The following CADM1 variants were observed in gnomAD, a reference collection of about 807,000 sequenced individuals.
CADM1 encodes the protein TSLC-1.
CADM1 carries 15 observed loss-of-function variants against 53.1 expected under a neutral mutation model. The observed-to-expected ratio is 0.28, with a 90% CI of 0.19 to 0.44. CADM1 has a LOEUF of 0.44. Ranked by LOEUF, CADM1 falls within the 20% of genes least tolerant of loss-of-function variation. The pLI, the probability that CADM1 is intolerant of heterozygous loss-of-function variation, is 1.00. For synonymous variants in CADM1, 281 were observed against 243.0 expected (o/e 1.16, Z -1.45); for missense variants, 434 against 611.3 (o/e 0.71, Z 3.06).
intron 1 of CADM1, among the ~76,000 whole-genome samples, chr11:115,490,582 T>C (rs1334708829): frequency 6.6e-6 from 1 of 151,830 alleles, no homozygotes; most frequent in Non-Finnish European, 1.5e-5. Context: ...TATTTTTCAG[T>C]AGAGACAGGG....
In CADM1 at chr11:115,169,571, A is replaced by T. The variant is rs1465037129; in HGVS notation, c.*6903T>A. 1 of 456,250 alleles carries T rather than the reference A, an allele frequency of 2.2e-6. No individual in the cohort carries two copies. The highest frequency in any genetic ancestry group is 4.4e-6 in the Non-Finnish European group (1 of 226,868). The allele number at this position is 456,250 out of a possible 1,614,324, so 28.3% of individuals were successfully genotyped here. ...TAAAAGATTCATGTTCCTAATTGCAACACTATAGCTGCCCTCATCACTTTA... is the reference window on the plus strand; with the variant it reads ...TAAAAGATTCATGTTCCTAATTGCATCACTATAGCTGCCCTCATCACTTTA... On this transcript the variant is annotated 3_prime_UTR_variant, in exon 12 of 12. Coordinates refer to ENST00000331581, the MANE Select transcript of CADM1 (RefSeq NM_001301043.2).
At chr11:115,283,572 T>TA (rs1184744534) in intron 1 of CADM1, among the ~76,000 whole-genome samples, 1 of 152,202 alleles carries the variant, frequency 6.6e-6, no homozygotes, top group African/African-American at 2.4e-5. Context: ...TAAGACCCTA[T>TA]AGGGTTTAAA....
At chr11:115,304,116 TATA>T (rs1944303400) in intron 1 of CADM1, among the ~76,000 whole-genome samples, 1 of 152,140 alleles carries the variant, frequency 6.6e-6, no homozygotes, top group African/African-American at 2.4e-5. Context: ...GCATGTGCTT[TATA>T]ATGTTAGACA....
chr11:115,410,086 G>A (rs763909566), intron 1 of CADM1, among the ~76,000 whole-genome samples: 74 of 152,138 alleles, frequency 4.9e-4, no homozygotes, highest in Non-Finnish European at 7.3e-4. Context: ...TTAGTTATTG[G>A]GCCCTTGGGC....
chr11:115,267,086 G>C (rs1943162470), intron 1 of CADM1, among the ~76,000 whole-genome samples: 1 of 152,172 alleles, frequency 6.6e-6, no homozygotes, highest in Non-Finnish European at 1.5e-5. Flanking sequence ...TACTGTCTTT[G>C]TCCCTGCCAT....
chr11:115,355,087 C>A (rs1160150910), intron 1 of CADM1, among the ~76,000 whole-genome samples: 2 of 152,130 alleles, frequency 1.3e-5, no homozygotes, highest in Non-Finnish European at 2.9e-5. Context: ...TCAGCATTTT[C>A]AATCCAGAAC....
At chr11:115,339,958 CTT>C (rs1591724291) in intron 1 of CADM1, 1 of 152,044 alleles carries the variant, frequency 6.6e-6, no homozygotes, top group South Asian at 2.1e-4. Flanking sequence ...CTAAGTTATT[CTT>C]TTGTTTCCAA....
At chr11:115,185,098 A>G (rs1939482443) in intron 10 of CADM1, among the ~76,000 whole-genome samples, 1 of 152,200 alleles carries the variant, frequency 6.6e-6, no homozygotes, top group Non-Finnish European at 1.5e-5. Context: ...TCACTTTGAG[A>G]GGCCACTGTT....
At chr11:115,233,759 G>A (rs1941910689) in intron 3 of CADM1, among the ~76,000 whole-genome samples, 1 of 152,122 alleles carries the variant, frequency 6.6e-6, no homozygotes, top group Admixed American at 6.5e-5. Flanking sequence ...AAATAGGAGT[G>A]ATGAAAATAA....
chr11:115,389,285 A>T (rs1946775846), intron 1 of CADM1, among the ~76,000 whole-genome samples: 1 of 152,200 alleles, frequency 6.6e-6, no homozygotes, highest in Admixed American at 6.5e-5. Flanking sequence ...ATTTCCAAAT[A>T]AAAAATGTAA....
chr11:115,392,811 T>G (rs772888374), intron 1 of CADM1, among the ~76,000 whole-genome samples: 7 of 151,832 alleles, frequency 4.6e-5, no homozygotes, highest in Non-Finnish European at 8.8e-5. Context: ...GAGGCAAAGA[T>G]CAAATACAAA....
intron 7 of CADM1, 30 bp from the exon 8 acceptor site, chr11:115,209,687 CCACAATGCTGAACA>C (rs1482664288): frequency 6.2e-7 from 1 of 1,610,920 alleles, no homozygotes. Context: ...AAAATCAAAC[CCACAATGCTGAACA>C]CAACAATGAC....
chr11:115,312,248 G>T (rs1944551178), intron 1 of CADM1, among the ~76,000 whole-genome samples: 3 of 152,102 alleles, frequency 2.0e-5, no homozygotes, highest in Admixed American at 2.0e-4. Context: ...TTAAATTTCA[G>T]GGACTCTATT....
chr11:115,323,360 T>C (rs1265707880), intron 1 of CADM1, among the ~76,000 whole-genome samples: 1 of 152,184 alleles, frequency 6.6e-6, no homozygotes, highest in Non-Finnish European at 1.5e-5. Flanking sequence ...TGTATTTTCT[T>C]ACCCTAAGTT....
intron 1 of CADM1, among the ~76,000 whole-genome samples, chr11:115,480,808 C>T (rs1949241415): frequency 6.6e-6 from 1 of 152,120 alleles, no homozygotes; most frequent in Non-Finnish European, 1.5e-5. Context: ...AAGGTTCTCC[C>T]TCCCTCCAGG....
chr11:115,341,647 G>A (rs561538264), intron 1 of CADM1, among the ~76,000 whole-genome samples: 11 of 152,296 alleles, frequency 7.2e-5, no homozygotes, highest in African/African-American at 2.6e-4. Flanking sequence ...TTATAAATTT[G>A]TCACATGAAA....
intron 1 of CADM1, among the ~76,000 whole-genome samples, chr11:115,329,246 G>C (rs941385611): frequency 1.3e-5 from 2 of 152,070 alleles, no homozygotes; most frequent in Non-Finnish European, 2.9e-5. Flanking sequence ...TGGTATATCA[G>C]TACCCAAGAT....
intron 1 of CADM1, among the ~76,000 whole-genome samples, chr11:115,266,165 G>T (rs1167467865): frequency 6.6e-6 from 1 of 152,224 alleles, no homozygotes; most frequent in East Asian, 1.9e-4. Flanking sequence ...CAGCCAGTAG[G>T]ATTTCCAGAG....
At chr11:115,268,684 A>G (rs1398607804) in intron 1 of CADM1, among the ~76,000 whole-genome samples, 1 of 152,124 alleles carries the variant, frequency 6.6e-6, no homozygotes, top group Admixed American at 6.5e-5. Context: ...GAAACTGTCA[A>G]TCTTCATAAT....
Sources: allele counts gnomAD v4.1 joint callset (sites outside exome capture counted in the v4.1 genomes callset), GRCh38; gene constraint gnomAD v4.1.1; transcripts MANE v1.5; gene names NCBI Gene and HGNC (gene_info 2026-07-23, HGNC 2026-07-21).